The following LSAMP variants were observed in gnomAD, a reference collection of about 807,000 sequenced individuals.
LSAMP encodes the protein limbic system associated membrane protein, also known as limbic system-associated membrane protein.
LSAMP carries 7 observed loss-of-function variants against 38.6 expected under a neutral mutation model. The ratio of observed to expected loss-of-function variants is 0.18; its 90% CI spans 0.10 to 0.34. The LOEUF is 0.34. Among genes scored for constraint, LSAMP ranks in the 10% least tolerant of loss-of-function variants. The pLI is 1.00. For synonymous variants in LSAMP, 154 were observed against 166.8 expected (o/e 0.92, Z 0.59); for missense variants, 313 against 420.0 (o/e 0.75, Z 2.23).
At chr3:116,428,374 C>T (rs865841656) in intron 1 of LSAMP, among the ~76,000 whole-genome samples, 1 of 152,110 alleles carries the variant, frequency 6.6e-6, no homozygotes, top group Non-Finnish European at 1.5e-5. Flanking sequence ...AGGAGAATTG[C>T]TTGAACCTGG....
At chr3:115,956,181 T>C (rs1448689952) in intron 3 of LSAMP, among the ~76,000 whole-genome samples, 2 of 151,650 alleles carry the variant, frequency 1.3e-5, no homozygotes, top group Middle Eastern at 3.2e-3. Flanking sequence ...AAAGGGAAAC[T>C]TACAGTCTGA....
intron 2 of LSAMP, among the ~76,000 whole-genome samples, chr3:116,062,231 G>A (rs909258414): frequency 2.6e-5 from 4 of 152,178 alleles, no homozygotes; most frequent in Non-Finnish European, 4.4e-5. Context: ...AATCCAGGCC[G>A]GGCATGGTGG....
At chr3:115,881,551 C>T (rs1213687365) in intron 3 of LSAMP, among the ~76,000 whole-genome samples, 1 of 152,076 alleles carries the variant, frequency 6.6e-6, no homozygotes, top group Non-Finnish European at 1.5e-5. Flanking sequence ...TCAATAAGAG[C>T]TATATTAAGA....
At chr3:116,055,195 G>A (rs1300217959) in intron 2 of LSAMP, among the ~76,000 whole-genome samples, 2 of 152,122 alleles carry the variant, frequency 1.3e-5, no homozygotes, top group Admixed American at 1.3e-4. Context: ...AAAAGAGATT[G>A]CCTATGTGAA....
intron 2 of LSAMP, among the ~76,000 whole-genome samples, chr3:116,068,402 C>G (rs2107374088): frequency 6.6e-6 from 1 of 151,918 alleles, no homozygotes; most frequent in African/African-American, 2.4e-5. Context: ...TTTTTGCTAA[C>G]CTGTAGGCCT....
chr3:116,343,105 C>A (rs2048018676), intron 1 of LSAMP, among the ~76,000 whole-genome samples: 1 of 152,026 alleles, frequency 6.6e-6, no homozygotes, highest in East Asian at 1.9e-4. Flanking sequence ...AACAAAACAA[C>A]AATAACAACA....
intron 3 of LSAMP, among the ~76,000 whole-genome samples, chr3:115,953,479 A>G (rs983482628): frequency 2.9e-4 from 44 of 151,246 alleles, no homozygotes; most frequent in Non-Finnish European, 1.3e-4. Context: ...TTCCTTGTAG[A>G]TCAGCAATTT....
At chr3:116,072,580 T>G (rs1339866583) in intron 2 of LSAMP, among the ~76,000 whole-genome samples, 1 of 152,194 alleles carries the variant, frequency 6.6e-6, no homozygotes, top group Non-Finnish European at 1.5e-5. Flanking sequence ...TTAACCTTAA[T>G]AATTGCCATT....
chr3:116,190,088 G>GACACACACACACAC (rs3071108), intron 1 of LSAMP, among the ~76,000 whole-genome samples: 4,043 of 142,602 alleles, frequency 0.028, 84 homozygotes, highest in South Asian at 0.036. Flanking sequence ...TCCAGTAGTA[G>GACACACACACACAC]ACACACACAC....
rs116612000 is a variant in LSAMP, at chr3:115,898,706, C to T, written c.515-46089G>A. On this transcript the variant is annotated intron_variant, in intron 3 of 6. Transcript: ENST00000490035. ...TAGTACCCAGCCAATGGTCCAGCCTCCCTGGCTATGACTGAATCAGGCAGA... is the reference window on the plus strand; with the variant it reads ...TAGTACCCAGCCAATGGTCCAGCCTTCCTGGCTATGACTGAATCAGGCAGA... Among the ~76,000 whole-genome samples, 697 of 152,054 alleles carry T rather than the reference C, an allele frequency of 4.6e-3. 2 individuals carry two copies. Among genetic ancestry groups the T allele is most frequent in the South Asian group, 7.5e-3 (36 of 4,810 alleles).
chr3:116,432,280 T>C (rs1159237235), intron 1 of LSAMP, among the ~76,000 whole-genome samples: 1 of 151,902 alleles, frequency 6.6e-6, no homozygotes, highest in Non-Finnish European at 1.5e-5. Flanking sequence ...GTAAATTTTA[T>C]GTACATATAA....
chr3:116,240,713 G>T (rs2107637637), intron 1 of LSAMP, among the ~76,000 whole-genome samples: 1 of 152,226 alleles, frequency 6.6e-6, no homozygotes. Context: ...AACCCAAGTT[G>T]TTGTAAGAAA....
At chr3:115,952,310 C>A (rs1938317975) in intron 3 of LSAMP, among the ~76,000 whole-genome samples, 1 of 152,094 alleles carries the variant, frequency 6.6e-6, no homozygotes, top group Admixed American at 6.5e-5. Flanking sequence ...AAATATGGAA[C>A]CAGCCTAAAT....
At chr3:116,176,691 G>T (rs1576413030) in intron 1 of LSAMP, among the ~76,000 whole-genome samples, 2 of 152,072 alleles carry the variant, frequency 1.3e-5, no homozygotes, top group African/African-American at 4.8e-5. Context: ...TCTAATATCT[G>T]GCACATGGAG....
chr3:116,180,483 T>C (rs1486828407), intron 1 of LSAMP, among the ~76,000 whole-genome samples: 1 of 152,086 alleles, frequency 6.6e-6, no homozygotes, highest in Non-Finnish European at 1.5e-5. Context: ...ATAGGGAAGA[T>C]TTCTGGGAGA....
intron 1 of LSAMP, among the ~76,000 whole-genome samples, chr3:116,267,719 C>CATATGAAAGGTA (rs1428471494): frequency 1.3e-5 from 2 of 151,870 alleles, no homozygotes; most frequent in Non-Finnish European, 2.9e-5. Context: ...GTTTTTTAGA[C>CATATGAAAGGTA]ATATGAAAGG....
intron 3 of LSAMP, among the ~76,000 whole-genome samples, chr3:115,904,767 A>G (rs765112600): frequency 6.6e-6 from 1 of 152,038 alleles, no homozygotes; most frequent in African/African-American, 2.4e-5. Flanking sequence ...ATCTCTGCCT[A>G]CCTTTCCAAC....
At chr3:116,311,969 A>G (rs1457538846) in intron 1 of LSAMP, among the ~76,000 whole-genome samples, 1 of 152,240 alleles carries the variant, frequency 6.6e-6, no homozygotes, top group Non-Finnish European at 1.5e-5. Context: ...TGAGGAGAAA[A>G]TAGTGACAAG....
In LSAMP at chr3:116,198,694, T is replaced by C. The variant is rs187956052; in HGVS notation, c.156-112138A>G. ...GCTGAGGCAGGAGAATGACGTGAACTCGGGAGGCGCAGCTTATAGTGAGCC... is the reference window on the plus strand; with the variant it reads ...GCTGAGGCAGGAGAATGACGTGAACCCGGGAGGCGCAGCTTATAGTGAGCC... On this transcript the variant is annotated intron_variant, in intron 1 of 6. Transcript: ENST00000490035. 4.3e-3 allele frequency among the ~76,000 whole-genome samples: 634 copies of C among 146,572 alleles called. 8 individuals are homozygous for C. The highest frequency in any genetic ancestry group is 0.015 in the African/African-American group (596 of 40,054).
Sources: allele counts gnomAD v4.1 joint callset (sites outside exome capture counted in the v4.1 genomes callset), GRCh38; gene constraint gnomAD v4.1.1; transcripts MANE v1.5; gene names NCBI Gene and HGNC (gene_info 2026-07-23, HGNC 2026-07-21).